The following CHCHD6 variants were observed in gnomAD, a reference collection of about 807,000 sequenced individuals.
CHCHD6 encodes coiled-coil-helix-coiled-coil-helix domain containing 6.
CHCHD6 carries 28 observed loss-of-function variants against 32.3 expected under a neutral mutation model. That is an observed-to-expected ratio of 0.87 (90% confidence interval 0.64 to 1.19). The LOEUF is 1.19. Among genes scored for constraint, CHCHD6 ranks in the 50% most tolerant of loss-of-function variants. CHCHD6 has a pLI of 0.00. For missense variants in CHCHD6, 333 were observed against 307.0 expected (o/e 1.08, Z -0.63); for synonymous variants, 122 against 117.5 (o/e 1.04, Z -0.25).
At chr3:126,892,162 AG>A (rs951827086) in intron 5 of CHCHD6, among the ~76,000 whole-genome samples, 1 of 152,086 alleles carries the variant, frequency 6.6e-6, no homozygotes, top group African/African-American at 2.4e-5. Context: ...CCTCCTCTGG[AG>A]GTTGTCATTA....
chr3:126,947,140 G>A (rs912347209), intron 6 of CHCHD6, among the ~76,000 whole-genome samples: 8 of 152,240 alleles, frequency 5.3e-5, no homozygotes, highest in African/African-American at 9.6e-5. Flanking sequence ...TCATGGGAAC[G>A]ACTTGGCCAC....
intron 4 of CHCHD6, among the ~76,000 whole-genome samples, chr3:126,799,352 A>G (rs1398804966): frequency 3.3e-5 from 5 of 152,162 alleles, no homozygotes; most frequent in Non-Finnish European, 7.4e-5. Flanking sequence ...ATTAGATGAG[A>G]ATTGCTAGGA....
At chr3:126,940,718 T>G (rs1014599728) in intron 6 of CHCHD6, among the ~76,000 whole-genome samples, 2 of 152,178 alleles carry the variant, frequency 1.3e-5, no homozygotes. Flanking sequence ...AAGCACAGGA[T>G]TTTCAGCAAT....
chr3:126,787,182 G>A (rs1376894054), intron 4 of CHCHD6, among the ~76,000 whole-genome samples: 16 of 152,142 alleles, frequency 1.1e-4, no homozygotes, highest in East Asian at 7.7e-4. Flanking sequence ...CCATTGGTCT[G>A]TATCTCTGTT....
intron 6 of CHCHD6, among the ~76,000 whole-genome samples, chr3:126,956,600 CG>C (rs2078787640): frequency 6.7e-6 from 1 of 149,660 alleles, no homozygotes; most frequent in Non-Finnish European, 1.5e-5. Flanking sequence ...AGTGTGCGCA[CG>C]AGAGAGAGAG....
intron 4 of CHCHD6, among the ~76,000 whole-genome samples, chr3:126,845,951 A>G (rs891458985): frequency 3.9e-5 from 6 of 152,170 alleles, no homozygotes; most frequent in Non-Finnish European, 7.3e-5. Context: ...ATCCAGGAGC[A>G]TTTGTTCAAG....
chr3:126,802,186 T>C (rs1251193327), intron 4 of CHCHD6, among the ~76,000 whole-genome samples: 1 of 152,162 alleles, frequency 6.6e-6, no homozygotes, highest in Non-Finnish European at 1.5e-5. Flanking sequence ...TGCAGTTCCT[T>C]ACCAGCAACG....
chr3:126,919,621 A>ATT (rs35228420), intron 6 of CHCHD6, among the ~76,000 whole-genome samples: 2,191 of 127,158 alleles, frequency 0.017, 33 homozygotes, highest in African/African-American at 0.018. Flanking sequence ...GCTGGCCTTC[A>ATT]TTTTTTTTTT....
intron 5 of CHCHD6, among the ~76,000 whole-genome samples, chr3:126,869,957 G>C (rs1363504606): frequency 1.3e-5 from 2 of 152,170 alleles, no homozygotes; most frequent in Non-Finnish European, 2.9e-5. Flanking sequence ...CTGTTAGAAG[G>C]CACTTTCAGG....
chr3:126,714,846 T>C (rs1203276520), intron 1 of CHCHD6, among the ~76,000 whole-genome samples: 1 of 152,178 alleles, frequency 6.6e-6, no homozygotes, highest in Non-Finnish European at 1.5e-5. Flanking sequence ...CAGCTCACTC[T>C]CTTCATCCTC....
At chr3:126,908,545 T>G (rs1184558752) in intron 5 of CHCHD6, among the ~76,000 whole-genome samples, 1 of 152,220 alleles carries the variant, frequency 6.6e-6, no homozygotes, top group Admixed American at 6.5e-5. Flanking sequence ...TTACTCAACT[T>G]TACATTGAGG....
chr3:126,907,214 G>C (rs2078020573), intron 5 of CHCHD6, among the ~76,000 whole-genome samples: 1 of 152,184 alleles, frequency 6.6e-6, no homozygotes, highest in Non-Finnish European at 1.5e-5. Context: ...ACTGTAGTCA[G>C]GGCAGATCTC....
chr3:126,832,336 T>G (rs1261109263), intron 4 of CHCHD6, among the ~76,000 whole-genome samples: 3 of 152,250 alleles, frequency 2.0e-5, no homozygotes, highest in South Asian at 2.1e-4. Flanking sequence ...CCTTTTCTTA[T>G]TCTAAGTTAG....
chr3:126,864,084 C>G (rs1942127293), intron 5 of CHCHD6, among the ~76,000 whole-genome samples: 1 of 150,802 alleles, frequency 6.6e-6, no homozygotes, highest in Non-Finnish European at 1.5e-5. Context: ...CAATCACCAC[C>G]TCCTCCACCA....
chr3:126,715,896 G>T (rs911602247), intron 1 of CHCHD6, among the ~76,000 whole-genome samples: 2 of 152,142 alleles, frequency 1.3e-5, no homozygotes, highest in South Asian at 4.1e-4. Flanking sequence ...ACGCTATTCC[G>T]TCCATTCCCT....
chr3:126,946,892 T>A (rs1392992969), intron 6 of CHCHD6, among the ~76,000 whole-genome samples: 1 of 152,192 alleles, frequency 6.6e-6, no homozygotes, highest in African/African-American at 2.4e-5. Flanking sequence ...GGAGGACATA[T>A]AATAGCCCAG....
chr3:126,810,047 T>A (rs1337776924), intron 4 of CHCHD6, among the ~76,000 whole-genome samples: 1 of 152,178 alleles, frequency 6.6e-6, no homozygotes, highest in Non-Finnish European at 1.5e-5. Flanking sequence ...ACCCCTCATA[T>A]ACAGAGAGTT....
intron 5 of CHCHD6, among the ~76,000 whole-genome samples, chr3:126,893,524 G>A (rs61709464): frequency 0.031 from 4,729 of 152,246 alleles, 164 homozygotes; most frequent in East Asian, 0.16. Flanking sequence ...CAGGAGTTGC[G>A]ATAAAAGCCA....
chr3:126,949,060 A>G (rs1431118600), intron 6 of CHCHD6, among the ~76,000 whole-genome samples: 1 of 152,226 alleles, frequency 6.6e-6, no homozygotes, highest in East Asian at 1.9e-4. Flanking sequence ...CAGTGCATTA[A>G]TAGACAGTGG....
Sources: gnomAD v4.1 joint callset for allele counts (sites outside exome capture counted in the v4.1 genomes callset) on GRCh38, gnomAD v4.1.1 for gene constraint, MANE v1.5 for transcripts, NCBI Gene and HGNC (gene_info 2026-07-23, HGNC 2026-07-21) for gene names.